The following CHD9 variants were observed in gnomAD, a reference collection of about 807,000 sequenced individuals.
CHD9 encodes the protein chromodomain helicase DNA binding protein 9, also known as ATP-dependent chromatin remodeler CHD9.
CHD9 carries 77 observed loss-of-function variants against 316.1 expected under a neutral mutation model. The ratio of observed to expected loss-of-function variants is 0.24; its 90% CI spans 0.20 to 0.29. The LOEUF is 0.29. Among genes scored for constraint, CHD9 ranks in the 10% least tolerant of loss-of-function variants. The probability of loss-of-function intolerance (pLI) is 1.00; values close to 1 mark genes in which losing one functional copy is unlikely to be tolerated. For synonymous variants in CHD9, 1,129 were observed against 1,158.3 expected (o/e 0.97, Z 0.51); for missense variants, 2,763 against 3,438.1 (o/e 0.80, Z 4.91).
At chr16:53,124,891 G>A (rs116069070) in intron 1 of CHD9, among the ~76,000 whole-genome samples, 2,424 of 152,320 alleles carry the variant, frequency 0.016, 80 homozygotes, top group African/African-American at 0.055. Context: ...GCTACAATTC[G>A]AGTTTTGGGT....
Position 53,231,688 on chromosome 16 carries a change from T to C in CHD9, c.2415T>C (p.Tyr805=), listed in dbSNP as rs762276096. 9 of 1,607,282 alleles carry C rather than the reference T, an allele frequency of 5.6e-6. No homozygotes were observed. The highest frequency in any genetic ancestry group is 1.1e-5 in the South Asian group (1 of 90,570). ...TAGTAAAATGGTGCTCATTGCCATA[T>C]GAAGATAGTACTTGGGAACTAAAAG... ...YYLVKWCSLP[Y]EDSTWELKED... is the part of the protein sequence containing the mutation. The change falls in exon 10 of 39, where the codon TAT becomes TAC. Residue 805 remains tyrosine, a synonymous_variant. Transcript: ENST00000447540.
At chr16:53,319,168 T>C (rs2057092882) in intron 37 of CHD9, among the ~76,000 whole-genome samples, 1 of 152,212 alleles carries the variant, frequency 6.6e-6, no homozygotes, top group Admixed American at 6.5e-5. Flanking sequence ...TTTGACACAC[T>C]TTTTTATTCT....
chr16:53,222,101 G>A (rs1046243107), intron 3 of CHD9, among the ~76,000 whole-genome samples: 1 of 151,764 alleles, frequency 6.6e-6, no homozygotes, highest in Non-Finnish European at 1.5e-5. Flanking sequence ...CATTGAGATG[G>A]AGTTTCGCTC....
intron 1 of CHD9, among the ~76,000 whole-genome samples, chr16:53,093,918 T>C (rs1211539742): frequency 6.6e-6 from 1 of 152,146 alleles, no homozygotes; most frequent in Non-Finnish European, 1.5e-5. Flanking sequence ...GGACTGGCTT[T>C]GGTTCGATTG....
At chr16:53,308,640 A>G (rs1567667207) in intron 33 of CHD9, 46 bp from the exon 34 acceptor site, 2 of 1,465,878 alleles carry the variant, frequency 1.4e-6, no homozygotes, top group Non-Finnish European at 1.9e-6. Context: ...CTGCAATAAG[A>G]TTTTTTTTAA....
chr16:53,156,584 T>C lies in CHD9; in HGVS notation c.495T>C (p.Phe165=). ...TGGCACACCATGACTTTGCCTTATTTCAGGCCAATGAACAACAAACACAGT... is the reference window on the plus strand; with the variant it reads ...TGGCACACCATGACTTTGCCTTATTCCAGGCCAATGAACAACAAACACAGT... ...SFVAHHDFAL[F]QANEQQTQCT... Residue 165 remains phenylalanine (F), a synonymous_variant, in exon 2 of 39, where the codon TTT becomes TTC. Transcript: ENST00000447540. 2 of 1,613,970 alleles carry C rather than the reference T, an allele frequency of 1.2e-6. No individual in the cohort carries two copies. The highest frequency in any genetic ancestry group is 4.5e-5 in the East Asian group (2 of 44,884).
intron 1 of CHD9, among the ~76,000 whole-genome samples, chr16:53,093,780 T>A (rs1458031040): frequency 6.6e-6 from 1 of 152,082 alleles, no homozygotes; most frequent in African/African-American, 2.4e-5. Flanking sequence ...TGATCTAGGG[T>A]CCTCCTGGCT....
chr16:53,070,406 G>T (rs1458765207), intron 1 of CHD9, among the ~76,000 whole-genome samples: 1 of 151,722 alleles, frequency 6.6e-6, no homozygotes, highest in Non-Finnish European at 1.5e-5. Context: ...GATCCATTTT[G>T]AGTTACTTTT....
In CHD9 at chr16:53,126,650, G is replaced by A. The variant is rs138483897; in HGVS notation, c.-164-29276G>A. On this transcript the variant is annotated intron_variant, in intron 1 of 38. Transcript: ENST00000447540. ...TTTTCTCCCTTCCTTCCTTCCTTTC[G>A]TTCATTCATTCATTCTTTCTTTCGT... Among the ~76,000 whole-genome samples the A allele has an allele frequency of 7.1e-3, 870 of 121,972 alleles. 13 individuals are homozygous for A. The highest frequency in any genetic ancestry group is 0.026 in the African/African-American group (825 of 31,874). The allele number at this position is 121,972 out of a possible 152,430, so 80.0% of individuals were successfully genotyped here.
At chr16:53,222,810 C>A in intron 4 of CHD9, 55 bp downstream of exon 4, 1 of 804,558 alleles carries the variant, frequency 1.2e-6, no homozygotes, top group South Asian at 1.7e-5. Context: ...ATTTAGTTAG[C>A]ATAATATTGC....
intron 1 of CHD9, among the ~76,000 whole-genome samples, chr16:53,108,548 ATAG>A (rs2037557140): frequency 6.6e-6 from 1 of 151,934 alleles, no homozygotes; most frequent in Non-Finnish European, 1.5e-5. Flanking sequence ...AGATAGATAG[ATAG>A]ATAGATAGAT....
chr16:53,128,541 G>C (rs145213453), intron 1 of CHD9, among the ~76,000 whole-genome samples: 1 of 152,238 alleles, frequency 6.6e-6, no homozygotes, highest in East Asian at 1.9e-4. Context: ...TGTGGCCACC[G>C]CTTGGCTTTA....
At chr16:53,139,752 T>A (rs1038190051) in intron 1 of CHD9, among the ~76,000 whole-genome samples, 2 of 152,190 alleles carry the variant, frequency 1.3e-5, no homozygotes, top group African/African-American at 4.8e-5. Context: ...AAGTAGATGG[T>A]AATGACAATC....
intron 24 of CHD9, among the ~76,000 whole-genome samples, chr16:53,275,246 T>C (rs2052699118): frequency 6.6e-6 from 1 of 152,090 alleles, no homozygotes; most frequent in Non-Finnish European, 1.5e-5. Context: ...GAAGCTGGTC[T>C]TGAACTCCTA....
intron 1 of CHD9, among the ~76,000 whole-genome samples, chr16:53,118,375 C>G (rs1469026594): frequency 6.6e-6 from 1 of 152,130 alleles, no homozygotes; most frequent in Non-Finnish European, 1.5e-5. Flanking sequence ...CGAGATCACA[C>G]CGCTGCACTC....
At chr16:53,084,959 C>T (rs574709162) in intron 1 of CHD9, among the ~76,000 whole-genome samples, 134 of 152,268 alleles carry the variant, frequency 8.8e-4, no homozygotes, top group African/African-American at 2.8e-3. Context: ...TGGGGGTGCT[C>T]GGGTAAACTT....
Position 53,156,964 on chromosome 16 carries a change from T to C in CHD9, c.875T>C (p.Val292Ala). 6.2e-7 allele frequency: 1 copy of C among 1,613,292 alleles called. No homozygotes were observed. Residue 292 changes from valine to alanine, a missense_variant, in exon 2 of 39, where the codon GTT becomes GCT. Val to Ala is a moderately conservative substitution (Grantham distance 64). Coordinates refer to ENST00000447540, the MANE Select transcript of CHD9 (RefSeq NM_001308319.2). ...SPNSLLQSSA[V>A]LASNHTNQTL... is the part of the protein sequence containing the mutation. ...AACAGTCTACTTCAGTCCTCTGCAG[T>C]TCTTGCATCTAATCATACAAATCAG...
At chr16:53,214,656 C>A (rs1443791369) in intron 3 of CHD9, among the ~76,000 whole-genome samples, 1 of 152,018 alleles carries the variant, frequency 6.6e-6, no homozygotes. Context: ...ATGTATGTAA[C>A]TTATTGCGAA....
intron 36 of CHD9, among the ~76,000 whole-genome samples, chr16:53,315,609 G>C (rs2153103800): frequency 6.6e-6 from 1 of 152,158 alleles, no homozygotes; most frequent in East Asian, 1.9e-4. Flanking sequence ...CTCCTGAGTA[G>C]CTGGGACCAC....
Sources: allele counts gnomAD v4.1 joint callset (sites outside exome capture counted in the v4.1 genomes callset), GRCh38; gene constraint gnomAD v4.1.1; transcripts MANE v1.5; gene names NCBI Gene and HGNC (gene_info 2026-07-23, HGNC 2026-07-21).